The following TNRC6A variants were observed in gnomAD, a reference collection of about 807,000 sequenced individuals.
The protein encoded by TNRC6A is trinucleotide repeat-containing gene 6A protein.
In TNRC6A, 44 loss-of-function variants were observed where a neutral mutation model predicts 221.2. That is an observed-to-expected ratio of 0.20 (90% CI 0.16 to 0.26). The LOEUF (loss-of-function observed/expected upper bound fraction) is 0.26. Ranked by LOEUF, TNRC6A falls within the 10% of genes least tolerant of loss-of-function variation. The pLI is 1.00. For missense variants in TNRC6A, 2,199 were observed against 2,404.4 expected (o/e 0.91, Z 1.79); for synonymous variants, 847 against 838.5 (o/e 1.01, Z -0.18).
chr16:24,664,667 T>C (rs1567336753), intron 2 of TNRC6A, among the ~76,000 whole-genome samples: 1 of 142,342 alleles, frequency 7.0e-6, no homozygotes, highest in Non-Finnish European at 1.5e-5. Flanking sequence ...AAATTTATTA[T>C]TTATTATTTA....
intron 12 of TNRC6A, 90 bp downstream of exon 12, chr16:24,804,409 A>C: frequency 1.4e-6 from 2 of 1,427,004 alleles, no homozygotes; most frequent in South Asian, 2.7e-5. Flanking sequence ...CTTTTATATA[A>C]TATAAAGTGT....
chr16:24,670,388 C>T (rs2055270961), intron 2 of TNRC6A, among the ~76,000 whole-genome samples: 1 of 152,112 alleles, frequency 6.6e-6, no homozygotes, highest in Non-Finnish European at 1.5e-5. Context: ...TGGTGCCCTT[C>T]AGGACTGCAG....
rs777920083 is a variant in TNRC6A at position 24,750,775 on chromosome 16, AAAG to A, written c.105_107del (p.Lys35_Asp36delinsAsn). 4.7e-5 allele frequency: 74 copies of A among 1,570,464 alleles called. No homozygotes were observed. In the African/African-American group the frequency reaches 9.7e-4, roughly 21 times the overall value. ...GTTGATGGAAGAAAAGAAAAAGAAA[AAAG>A]ACGACAAGAAAAAGAAGGAAGCTGC... is the stretch of plus-strand genomic sequence containing the variant. On this transcript the variant is annotated inframe_deletion, in exon 3 of 25. Coordinates refer to ENST00000395799, the MANE Select transcript of TNRC6A (RefSeq NM_014494.4).
At chr16:24,703,720 T>C (rs751058939) in intron 2 of TNRC6A, among the ~76,000 whole-genome samples, 10 of 152,242 alleles carry the variant, frequency 6.6e-5, no homozygotes, top group Non-Finnish European at 1.2e-4. Context: ...TGTGTGGATA[T>C]ATGCTTTCAT....
At chr16:24,639,103 T>G (rs1901791329) in intron 1 of TNRC6A, among the ~76,000 whole-genome samples, 1 of 152,150 alleles carries the variant, frequency 6.6e-6, no homozygotes, top group Non-Finnish European at 1.5e-5. Flanking sequence ...CTCACAAATA[T>G]TTCAAGTACT....
intron 2 of TNRC6A, among the ~76,000 whole-genome samples, chr16:24,711,406 G>A (rs145429969): frequency 4.7e-4 from 71 of 152,180 alleles, no homozygotes; most frequent in African/African-American, 1.3e-3. Context: ...TGAAATGATC[G>A]TCACAATAAA....
upstream of TNRC6A, among the ~76,000 whole-genome samples, chr16:24,727,390 T>C (rs2056510360): frequency 6.6e-6 from 1 of 152,164 alleles, no homozygotes. Context: ...TTCTCAACCT[T>C]GGTGCTATTG....
chr16:24,673,803 C>T (rs1192535799), intron 2 of TNRC6A, among the ~76,000 whole-genome samples: 1 of 152,150 alleles, frequency 6.6e-6, no homozygotes, highest in South Asian at 2.1e-4. Context: ...AGCGAACTAC[C>T]CACTTCGGCC....
In TNRC6A at chr16:24,707,762, A is replaced by C. The variant is rs141864407; in HGVS notation, n.403-42964A>C. On this transcript the variant is annotated intron_variant and non_coding_transcript_variant, in intron 2 of 2. Coordinates refer to the TNRC6A transcript ENST00000566108. The stretch of plus-strand genomic sequence containing the variant: ...AGATGAGTTGGCAAAGATAGTGTTA[A>C]ATAATGGCCACAATGGGCCAGTGCG... 3.4e-4 allele frequency among the ~76,000 whole-genome samples: 52 copies of C among 152,270 alleles called. No individual in the cohort carries two copies. In the Middle Eastern group the frequency reaches 0.01, roughly 30 times the overall value.
rs138674064 is a variant in TNRC6A, at chr16:24,777,496, G to A, written c.589+138G>A. On this transcript the variant is annotated intron_variant, in intron 5 of 24. Transcript: ENST00000395799. Reference sequence around the variant, plus strand: ...TTAATGTAAGAGTTCTTTATAGGGAGTTATGAATGGGGAATCTTAGAATAT... The same window carrying A: ...TTAATGTAAGAGTTCTTTATAGGGAATTATGAATGGGGAATCTTAGAATAT... 86 of 755,676 alleles carry A rather than the reference G, an allele frequency of 1.1e-4. No individual in the cohort carries two copies. In the East Asian group the frequency reaches 2.2e-3, roughly 19 times the overall value. 46.8% of individuals were successfully genotyped at this position (755,676 alleles called of 1,614,324 possible).
intron 2 of TNRC6A, among the ~76,000 whole-genome samples, chr16:24,707,074 C>T (rs184186229): frequency 1.1e-3 from 166 of 152,002 alleles, no homozygotes; most frequent in Admixed American, 8.7e-3. Context: ...CAACTCATTG[C>T]GGTCTCTGTC....
In TNRC6A at chr16:24,777,119, CGCA is replaced by C. The variant is rs776844514; in HGVS notation, c.362_364del (p.Gln121del). ...CCACAGCAGCAGCCACAGCCGCAGCCGCAGCAGCAGCAGCCACAGCAGCAGCCA... is the reference window on the plus strand; with the variant it reads ...CCACAGCAGCAGCCACAGCCGCAGCCGCAGCAGCAGCCACAGCAGCAGCCA... On this transcript the variant is annotated inframe_deletion, in exon 5 of 25. Coordinates refer to ENST00000395799, the MANE Select transcript of TNRC6A (RefSeq NM_014494.4). 2 of 1,568,728 alleles carry C rather than the reference CGCA, an allele frequency of 1.3e-6. No individual in the cohort carries two copies. Among genetic ancestry groups the C allele is most frequent in the East Asian group, 2.3e-5 (1 of 44,384 alleles).
chr16:24,767,024 TAGTTCTTGGACCTAG>T (rs963906510), intron 4 of TNRC6A, among the ~76,000 whole-genome samples: 2 of 152,218 alleles, frequency 1.3e-5, no homozygotes, highest in Non-Finnish European at 2.9e-5. Flanking sequence ...TTTGCCCATT[TAGTTCTTGGACCTAG>T]AGTTTTATTT....
intron 7 of TNRC6A, 129 bp downstream of exon 7, chr16:24,793,778 T>C: frequency 1.2e-6 from 1 of 835,494 alleles, no homozygotes. Context: ...TGATAGATGA[T>C]GTTCAGTATT....
chr16:24,686,772 T>A (rs1159610403), intron 2 of TNRC6A, among the ~76,000 whole-genome samples: 2 of 152,136 alleles, frequency 1.3e-5, no homozygotes, highest in East Asian at 3.9e-4. Flanking sequence ...TGGTATGGCG[T>A]CACCGTGGGA....
chr16:24,739,580 G>C (rs1479237122), intron 2 of TNRC6A, among the ~76,000 whole-genome samples: 2 of 148,212 alleles, frequency 1.3e-5, no homozygotes. Flanking sequence ...CCAGGTTCAA[G>C]CGTTTCTCCT....
At chr16:24,620,731 CG>C (rs1318247145) in intron 1 of TNRC6A, among the ~76,000 whole-genome samples, 1 of 151,894 alleles carries the variant, frequency 6.6e-6, no homozygotes, top group Non-Finnish European at 1.5e-5. Flanking sequence ...TCACTTGAAC[CG>C]GGGAGGCAGA....
intron 3 of TNRC6A, among the ~76,000 whole-genome samples, chr16:24,752,013 A>T (rs2057148337): frequency 6.6e-6 from 1 of 152,108 alleles, no homozygotes; most frequent in Non-Finnish European, 1.5e-5. Context: ...AAGGGAGGGA[A>T]CCAAGGGTAG....
chr16:24,685,421 C>T (rs2142084426), intron 2 of TNRC6A, among the ~76,000 whole-genome samples: 1 of 152,260 alleles, frequency 6.6e-6, no homozygotes, highest in Non-Finnish European at 1.5e-5. Context: ...ACTGCAACCT[C>T]CGCCTCCCAG....
Sources: allele counts gnomAD v4.1 joint callset (sites outside exome capture counted in the v4.1 genomes callset), GRCh38; gene constraint gnomAD v4.1.1; transcripts MANE v1.5; gene names NCBI Gene and HGNC (gene_info 2026-07-23, HGNC 2026-07-21).